Variants in EPHA5 observed in about 807,000 individuals in gnomAD.
The protein encoded by EPHA5 is EPH receptor A5.
In EPHA5, 60 loss-of-function variants were observed where a neutral mutation model predicts 105.0. The ratio of observed to expected loss-of-function variants is 0.57; its 90% CI spans 0.46 to 0.71. The LOEUF (loss-of-function observed/expected upper bound fraction) is 0.71, where lower values mean the gene tolerates loss of function less well. Among genes scored for constraint, EPHA5 ranks in the 30% least tolerant of loss-of-function variants. The pLI is 0.00. For missense variants in EPHA5, 1,218 were observed against 1,274.7 expected, an observed-to-expected ratio of 0.96 and a Z score of 0.68; for synonymous variants, 513 against 449.1, an observed-to-expected ratio of 1.14 and a Z score of -1.80.
chr4:65,388,279 C>T (rs1224809012), intron 8 of EPHA5, among the ~76,000 whole-genome samples: 144 of 151,370 alleles, frequency 9.5e-4, no homozygotes, highest in African/African-American at 2.6e-3. Context: ...AATAAACATA[C>T]GTGTGCATGT....
intron 15 of EPHA5, among the ~76,000 whole-genome samples, chr4:65,332,810 G>A (rs1316226055): frequency 6.6e-6 from 1 of 151,794 alleles, no homozygotes; most frequent in Non-Finnish European, 1.5e-5. Context: ...TAGCTATGTG[G>A]GATAATTTGT....
intron 6 of EPHA5, among the ~76,000 whole-genome samples, chr4:65,418,846 T>C (rs1052426754): frequency 3.6e-5 from 5 of 137,886 alleles, no homozygotes; most frequent in Non-Finnish European, 4.7e-5. Context: ...TAACATTCAA[T>C]ACACTTACCT....
At chr4:65,377,784 T>C (rs996441487) in intron 8 of EPHA5, among the ~76,000 whole-genome samples, 11 of 151,948 alleles carry the variant, frequency 7.2e-5, no homozygotes, top group African/African-American at 2.2e-4. Flanking sequence ...CAAAGTAAAC[T>C]ATTTTATAAA....
chr4:65,506,357 A>G (rs1009297174), intron 3 of EPHA5, among the ~76,000 whole-genome samples: 36 of 147,472 alleles, frequency 2.4e-4, no homozygotes, highest in African/African-American at 8.5e-4. Context: ...TCCTTTGGGT[A>G]TATACCCAGT....
At chr4:65,449,869 A>T (rs564331863) in intron 5 of EPHA5, among the ~76,000 whole-genome samples, 2 of 151,702 alleles carry the variant, frequency 1.3e-5, no homozygotes, top group South Asian at 4.2e-4. Context: ...CCTAGGAGGG[A>T]GGCCTGAAAC....
At chr4:65,369,276 T>G (rs1718225272) in intron 8 of EPHA5, among the ~76,000 whole-genome samples, 1 of 152,170 alleles carries the variant, frequency 6.6e-6, no homozygotes, top group South Asian at 2.1e-4. Context: ...GATGATTAAG[T>G]GTACAACATT....
At chr4:65,396,868 G>A (rs916563728) in intron 8 of EPHA5, among the ~76,000 whole-genome samples, 2 of 152,184 alleles carry the variant, frequency 1.3e-5, no homozygotes, top group Non-Finnish European at 2.9e-5. Context: ...GTACTTTAGA[G>A]AACCTCCTGA....
At chr4:65,400,009 G>A (rs9312144) in intron 8 of EPHA5, among the ~76,000 whole-genome samples, 1 of 151,792 alleles carries the variant, frequency 6.6e-6, no homozygotes, top group Non-Finnish European at 1.5e-5. Flanking sequence ...CTGAAATAAG[G>A]ACACAGATAA....
chr4:65,402,582 C>A (rs114451404), intron 8 of EPHA5, among the ~76,000 whole-genome samples: 274 of 151,962 alleles, frequency 1.8e-3, no homozygotes, highest in African/African-American at 5.9e-3. Flanking sequence ...GACCTTGGTT[C>A]TTTTTTTTCC....
chr4:65,592,020 T>G (rs1179441541), intron 3 of EPHA5, among the ~76,000 whole-genome samples: 1 of 152,078 alleles, frequency 6.6e-6, no homozygotes, highest in Non-Finnish European at 1.5e-5. Flanking sequence ...CCACAGTAAT[T>G]TTTTTTAAAA....
intron 3 of EPHA5, among the ~76,000 whole-genome samples, chr4:65,590,789 C>A (rs1462201386): frequency 1.3e-5 from 2 of 152,070 alleles, no homozygotes; most frequent in Non-Finnish European, 2.9e-5. Flanking sequence ...AGATGAAGCA[C>A]AAAACATTTA....
chr4:65,442,852 T>C (rs1027250453), intron 5 of EPHA5, among the ~76,000 whole-genome samples: 1 of 152,076 alleles, frequency 6.6e-6, no homozygotes, highest in African/African-American at 2.4e-5. Flanking sequence ...GAGAAGAAAC[T>C]GAAATGCAGA....
chr4:65,405,075 T>C lies in EPHA5; in HGVS notation c.1688-596A>G, dbSNP rs145549739. The stretch of plus-strand genomic sequence containing the variant: ...ATTCACTTTTTGAAAAATATGAAGG[T>C]AAACATTTAGAAGTATAGAAAACTA... On this transcript the variant is annotated intron_variant, in intron 7 of 16. Transcript: ENST00000613740. Among the ~76,000 whole-genome samples, 489 of 152,218 alleles carry C rather than the reference T, an allele frequency of 3.2e-3. 1 individual carries two copies. The highest frequency in any genetic ancestry group is 6.3e-3 in the Admixed American group (96 of 15,272).
intron 8 of EPHA5, among the ~76,000 whole-genome samples, chr4:65,387,856 G>A (rs924560611): frequency 2.6e-5 from 4 of 151,284 alleles, no homozygotes; most frequent in African/African-American, 9.7e-5. Context: ...TAGGGTACAT[G>A]TGCACAATGT....
At chr4:65,554,748 T>G (rs552121740) in intron 3 of EPHA5, among the ~76,000 whole-genome samples, 2 of 151,894 alleles carry the variant, frequency 1.3e-5, no homozygotes, top group South Asian at 4.1e-4. Flanking sequence ...AGTACTATGA[T>G]ATGAATTAGA....
chr4:65,619,378 A>G (rs1745517183), intron 2 of EPHA5, among the ~76,000 whole-genome samples: 1 of 152,136 alleles, frequency 6.6e-6, no homozygotes, highest in South Asian at 2.1e-4. Flanking sequence ...GCATACACAT[A>G]CATTTAGGCA....
intron 5 of EPHA5, among the ~76,000 whole-genome samples, chr4:65,422,523 G>A (rs1190441672): frequency 1.3e-5 from 2 of 152,164 alleles, no homozygotes; most frequent in East Asian, 3.9e-4. Context: ...GAATTTTGAT[G>A]GGTGATGTCA....
intron 1 of EPHA5, among the ~76,000 whole-genome samples, chr4:65,649,495 A>G (rs1345397872): frequency 6.6e-6 from 1 of 152,204 alleles, no homozygotes; most frequent in Non-Finnish European, 1.5e-5. Flanking sequence ...TATTTGGGTA[A>G]CTAGTCCTTT....
chr4:65,360,661 T>C (rs1269200073), intron 11 of EPHA5, among the ~76,000 whole-genome samples: 2 of 151,600 alleles, frequency 1.3e-5, no homozygotes, highest in African/African-American at 2.4e-5. Flanking sequence ...TAGTGGTGTA[T>C]GCAAGATCTG....
Sources: gnomAD v4.1 joint callset for allele counts (sites outside exome capture counted in the v4.1 genomes callset) on GRCh38, gnomAD v4.1.1 for gene constraint, MANE v1.5 for transcripts, NCBI Gene and HGNC (gene_info 2026-07-23, HGNC 2026-07-21) for gene names.